The following SKP2 variants were observed in gnomAD, a reference collection of about 807,000 sequenced individuals.
SKP2 encodes the protein S-phase kinase-associated protein 2.
A neutral mutation model predicts 51.8 loss-of-function variants in SKP2; 16 were observed. That is an observed-to-expected ratio of 0.31 (90% CI 0.21 to 0.47). The LOEUF is 0.47. SKP2 is among the 20% of genes least tolerant of loss of function. The pLI is 1.00. For missense variants in SKP2, 377 were observed against 505.3 expected (o/e 0.75, Z 2.43); for synonymous variants, 176 against 198.6 (o/e 0.89, Z 0.96).
intron 4 of SKP2, among the ~76,000 whole-genome samples, chr5:36,167,643 C>T (rs866600399): frequency 9.9e-5 from 15 of 151,664 alleles, no homozygotes; most frequent in South Asian, 4.1e-4. Context: ...TTTTTTGAGA[C>T]GGAGTCTTGC....
At chr5:36,174,495 G>A (rs1333517298) in intron 7 of SKP2, among the ~76,000 whole-genome samples, 1 of 151,986 alleles carries the variant, frequency 6.6e-6, no homozygotes, top group African/African-American at 2.4e-5. Flanking sequence ...ATTTTATTGT[G>A]TACTTTTTTC....
At chr5:36,163,854 T>G (rs1322573233) in intron 3 of SKP2, 98 bp downstream of exon 3, 1 of 776,042 alleles carries the variant, frequency 1.3e-6, no homozygotes, top group African/African-American at 1.7e-5. Flanking sequence ...CCAAGAAAAA[T>G]AGAGCAGCGC....
downstream of SKP2, chr5:36,184,344 G>A (rs1335977414): frequency 6.2e-6 from 1 of 161,784 alleles, no homozygotes; most frequent in African/African-American, 2.4e-5. Context: ...CATGTGCCAT[G>A]TTGGTGTGCT....
intron 2 of SKP2, among the ~76,000 whole-genome samples, chr5:36,157,303 C>T (rs1451037208): frequency 3.9e-5 from 6 of 152,136 alleles, no homozygotes; most frequent in Non-Finnish European, 7.3e-5. Context: ...TACACTGTTC[C>T]ATATTTTTTC....
downstream of SKP2, among the ~76,000 whole-genome samples, chr5:36,188,011 T>G (rs1363929078): frequency 6.6e-6 from 1 of 152,194 alleles, no homozygotes; most frequent in Non-Finnish European, 1.5e-5. Context: ...CTTTTGATCT[T>G]TGTTGGTTTA....
chr5:36,162,877 C>A (rs35296363), intron 2 of SKP2, among the ~76,000 whole-genome samples: 6,093 of 152,258 alleles, frequency 0.04, 223 homozygotes, highest in East Asian at 0.16. Context: ...GAAGGGGAAG[C>A]AAACGTCCTT....
chr5:36,170,353 A>T lies in SKP2; in HGVS notation c.681A>T (p.Ala227=), dbSNP rs142374565. The change falls in exon 6 of 10, where the codon GCA becomes GCT. Residue 227 remains alanine, a synonymous_variant. Coordinates refer to ENST00000274255, the MANE Select transcript of SKP2 (RefSeq NM_005983.4). Reference sequence around the variant, plus strand: ...TTTTCTCTTTTTCCAGTACTCTCGCAAAAAACTCAAATTTAGTGCGACTTA... The same window carrying T: ...TTTTCTCTTTTTCCAGTACTCTCGCTAAAAACTCAAATTTAGTGCGACTTA... ...RLSDPIVNTL[A]KNSNLVRLNL... 3.0e-3 allele frequency: 4,771 copies of T among 1,609,888 alleles called. 11 individuals are homozygous for T. Among genetic ancestry groups the T allele is most frequent in the Non-Finnish European group, 3.7e-3 (4,409 of 1,177,278 alleles).
chr5:36,190,219 C>A (rs1212325700), intron 6 of SKP2, among the ~76,000 whole-genome samples: 1 of 3,184 alleles, frequency 3.1e-4, no homozygotes, highest in East Asian at 6.9e-4. Flanking sequence ...TGTGCTGCAC[C>A]CACTGTCCTG....
chr5:36,162,131 G>A (rs912652812), intron 2 of SKP2, among the ~76,000 whole-genome samples: 1 of 152,142 alleles, frequency 6.6e-6, no homozygotes, highest in African/African-American at 2.4e-5. Flanking sequence ...TTACGTGAGG[G>A]CCTGTCATTC....
intron 3 of SKP2, among the ~76,000 whole-genome samples, chr5:36,165,868 T>G (rs1745268381): frequency 1.3e-5 from 2 of 152,234 alleles, no homozygotes; most frequent in Non-Finnish European, 2.9e-5. Flanking sequence ...AGAACATCCC[T>G]TTTGTTTTAG....
chr5:36,174,574 A>C (rs1561539100), intron 7 of SKP2, among the ~76,000 whole-genome samples: 1 of 152,154 alleles, frequency 6.6e-6, no homozygotes, highest in Non-Finnish European at 1.5e-5. Context: ...GCCTTGAACA[A>C]AACAGAGAAA....
downstream of SKP2, among the ~76,000 whole-genome samples, chr5:36,189,108 T>C (rs1391527449): frequency 6.6e-6 from 1 of 152,206 alleles, no homozygotes; most frequent in Non-Finnish European, 1.5e-5. Flanking sequence ...ACACTGGTTA[T>C]TCTAGTTAGC....
chr5:36,190,031 A>G (rs1168990086), intron 6 of SKP2, among the ~76,000 whole-genome samples: 1 of 152,174 alleles, frequency 6.6e-6, no homozygotes, highest in Non-Finnish European at 1.5e-5. Flanking sequence ...GGCGCGGGAT[A>G]TAATCTCCTG....
intron 7 of SKP2, among the ~76,000 whole-genome samples, chr5:36,176,649 A>G (rs539766193): frequency 6.6e-6 from 1 of 152,058 alleles, no homozygotes; most frequent in South Asian, 2.1e-4. Context: ...GCTTATATAT[A>G]CTGGTGTTTA....
intron 6 of SKP2, among the ~76,000 whole-genome samples, chr5:36,191,494 C>T (rs953650136): frequency 6.6e-6 from 1 of 151,608 alleles, no homozygotes; most frequent in Non-Finnish European, 1.5e-5. Context: ...TGTCACTTTA[C>T]CTGCTCTTGG....
intron 9 of SKP2, 67 bp from the exon 10 acceptor site, chr5:36,181,751 C>A: frequency 1.3e-6 from 2 of 1,558,500 alleles, no homozygotes; most frequent in African/African-American, 1.4e-5. Context: ...AAATTTGGGT[C>A]ATATAACTCT....
Position 36,168,304 on chromosome 5 carries a change from C to T in SKP2, c.537-9C>T, listed in dbSNP as rs763981159. 29 of 1,609,042 alleles carry T rather than the reference C, an allele frequency of 1.8e-5. No individual in the cohort carries two copies. The highest frequency in any genetic ancestry group is 6.8e-5 in the Admixed American group (4 of 59,012). ...ACCTATGGAGCTCCTTTTTTCTCTC[C>T]GTGTTTAGCCCTTTTCGTGTACAGC... is the stretch of plus-strand genomic sequence containing the variant. On this transcript the variant is annotated splice_polypyrimidine_tract_variant and intron_variant, in intron 4 of 9. Coordinates refer to ENST00000274255, the MANE Select transcript of SKP2 (RefSeq NM_005983.4).
intron 3 of SKP2, 53 bp downstream of exon 3, chr5:36,163,809 G>A: frequency 8.2e-7 from 1 of 1,220,790 alleles, no homozygotes; most frequent in Non-Finnish European, 1.2e-6. Flanking sequence ...GGAGAGGAAG[G>A]TTATTTATTC....
At chr5:36,178,891 G>A (rs62353842) in intron 9 of SKP2, among the ~76,000 whole-genome samples, 3,105 of 152,206 alleles carry the variant, frequency 0.02, 63 homozygotes, top group Middle Eastern at 0.078. Context: ...TATCCAGTGG[G>A]ATAATAGTAA....
Sources: allele counts gnomAD v4.1 joint callset (sites outside exome capture counted in the v4.1 genomes callset), GRCh38; gene constraint gnomAD v4.1.1; transcripts MANE v1.5; gene names NCBI Gene and HGNC (gene_info 2026-07-23, HGNC 2026-07-21).